TBC1D31: variants seen among roughly 807,000 people sequenced by gnomAD.
The protein encoded by TBC1D31 is WD repeat domain 67.
TBC1D31 carries 99 observed loss-of-function variants against 132.9 expected under a neutral mutation model. The ratio of observed to expected loss-of-function variants is 0.74; its 90% confidence interval spans 0.63 to 0.88. The LOEUF is 0.88. TBC1D31 is among the 40% of genes least tolerant of loss of function. TBC1D31 has a pLI of 0.00. For missense variants in TBC1D31, 1,134 were observed against 1,256.6 expected (o/e 0.90, Z 1.48); for synonymous variants, 385 against 419.4 (o/e 0.92, Z 1.00).
At chr8:123,088,231 A>C (rs2130014759) in intron 4 of TBC1D31, among the ~76,000 whole-genome samples, 1 of 152,224 alleles carries the variant, frequency 6.6e-6, no homozygotes, top group Admixed American at 6.5e-5. Context: ...ACTATAGTTT[A>C]AGTTATCAGC....
In TBC1D31 at chr8:123,129,046, A is replaced by C; in HGVS notation, c.2118-20A>C. On this transcript the variant is annotated intron_variant, in intron 14 of 21. Coordinates refer to ENST00000287380, the MANE Select transcript of TBC1D31 (RefSeq NM_145647.4). The stretch of plus-strand genomic sequence containing the variant: ...TTAGCTTTCTTCTTTGTGTTTTCAT[A>C]ATAATATTACCTACTTAAGGCAGAC... The C allele has an allele frequency of 6.6e-7, 1 of 1,505,034 alleles. No homozygotes were observed. Among genetic ancestry groups the C allele is most frequent in the Non-Finnish European group, 9.0e-7 (1 of 1,116,832 alleles). The allele number at this position is 1,505,034 out of a possible 1,614,324, so 93.2% of individuals were successfully genotyped here.
Position 123,142,256 on chromosome 8 carries a change from T to C in TBC1D31, c.2641-6T>C, listed in dbSNP as rs759898881. The C allele has an allele frequency of 6.4e-7, 1 of 1,563,678 alleles. No individual in the cohort carries two copies. The highest frequency in any genetic ancestry group is 8.6e-7 in the Non-Finnish European group (1 of 1,159,094). On this transcript the variant is annotated splice_polypyrimidine_tract_variant and splice_region_variant and intron_variant, in intron 18 of 21. Coordinates refer to ENST00000287380, the MANE Select transcript of TBC1D31 (RefSeq NM_145647.4). ...CTTGTTTCTGAAATGTATAACTTTT[T>C]CCTAGGTGATTAAAGAAAATTTGGC...
intron 20 of TBC1D31, among the ~76,000 whole-genome samples, chr8:123,145,227 G>A (rs986258811): frequency 3.3e-5 from 5 of 152,280 alleles, no homozygotes; most frequent in Admixed American, 3.3e-4. Flanking sequence ...CCTGGCCAGT[G>A]AATAAATTAT....
In TBC1D31 at chr8:123,129,185, A is replaced by G; in HGVS notation, c.2237A>G (p.Gln746Arg). The G allele has an allele frequency of 6.2e-7, 1 of 1,604,386 alleles. No homozygotes were observed. The highest frequency in any genetic ancestry group is 1.3e-5 in the African/African-American group (1 of 74,922). ...AEETRREMLLQEEEKMIQQRQ... is the reference protein window; with the variant it reads ...AEETRREMLLREEEKMIQQRQ... ...GAAACAAGAAGAGAAATGCTCTTAC[A>G]AGAGGAGGAGAAAATGATACAACAA... Residue 746 changes from glutamine (Q) to arginine (R), a missense_variant, in exon 15 of 22, where the codon CAA becomes CGA. Transcript: ENST00000287380.
chr8:123,151,753 A>G (rs971122133), intron 21 of TBC1D31, 53 bp from the exon 22 acceptor site: 48 of 1,483,090 alleles, frequency 3.2e-5, no homozygotes, highest in South Asian at 4.2e-5. Flanking sequence ...ATGCTGTATC[A>G]CCGCTAACAT....
the TBC1D31 span, among the ~76,000 whole-genome samples, chr8:123,158,856 T>C: frequency 1.6e-4 from 25 of 151,780 alleles, no homozygotes; most frequent in Admixed American, 1.3e-3. Context: ...AAGGAGGAGT[T>C]GGAGGTGGGG....
Position 123,152,034 on chromosome 8 carries a change from C to G in TBC1D31, c.*95C>G. ...ATTTATTTAAAATTCCTATAAAGATCAGCCCTTTGTACAGAAAAATGTGTC... is the reference window on the plus strand; with the variant it reads ...ATTTATTTAAAATTCCTATAAAGATGAGCCCTTTGTACAGAAAAATGTGTC... On this transcript the variant is annotated 3_prime_UTR_variant, in exon 22 of 22. Transcript: ENST00000287380. The G allele has an allele frequency of 2.5e-6, 3 of 1,214,422 alleles. No individual in the cohort carries two copies. The highest frequency in any genetic ancestry group is 3.2e-6 in the Non-Finnish European group (3 of 934,636). The allele number at this position is 1,214,422 out of a possible 1,614,324, so 75.2% of individuals were successfully genotyped here. A position where few individuals can be genotyped will look rare whatever the true frequency, so the allele number is the denominator to read the frequency against.
chr8:123,137,081 C>T (rs1821169164), intron 17 of TBC1D31, among the ~76,000 whole-genome samples: 1 of 152,184 alleles, frequency 6.6e-6, no homozygotes, highest in South Asian at 2.1e-4. Flanking sequence ...ATGAGCTCAA[C>T]ATTCCATACG....
At chr8:123,152,761 C>T (rs1344122321), downstream of TBC1D31, among the ~76,000 whole-genome samples, 1 of 152,052 alleles carries the variant, frequency 6.6e-6, no homozygotes, top group Non-Finnish European at 1.5e-5. Context: ...ATCCCAGCTA[C>T]TTGGAAGGCA....
chr8:123,082,724 G>C lies in TBC1D31; in HGVS notation c.247G>C (p.Ala83Pro). 1 of 1,611,962 alleles carries C rather than the reference G, an allele frequency of 6.2e-7. No individual in the cohort carries two copies. Residue 83 changes from alanine (A) to proline (P), a missense_variant, in exon 3 of 22, where the codon GCA becomes CCA. Ala to Pro is a conservative substitution (Grantham distance 27, BLOSUM62 -1). Coordinates refer to ENST00000287380, the MANE Select transcript of TBC1D31 (RefSeq NM_145647.4). ...TAGGTTCAATCTTGTTCAGCGAACAGCACAAGCTTGCACAGCTCTGGCCTT... is the reference window on the plus strand; with the variant it reads ...TAGGTTCAATCTTGTTCAGCGAACACCACAAGCTTGCACAGCTCTGGCCTT... ...GNRFNLVQRT[A>P]QACTALAFNL...
intron 16 of TBC1D31, 141 bp from the exon 17 acceptor site, chr8:123,133,973 T>G: frequency 1.8e-6 from 1 of 542,274 alleles, no homozygotes; most frequent in Non-Finnish European, 3.3e-6. Flanking sequence ...TTAATCTTTG[T>G]CTGTTACTCT....
At chr8:123,162,627 G>A in the TBC1D31 span, among the ~76,000 whole-genome samples, 132 of 152,266 alleles carry the variant, frequency 8.7e-4, no homozygotes, top group Non-Finnish European at 3.5e-4. Flanking sequence ...CAGTGCCACC[G>A]CCGGGGAGGA....
chr8:123,142,588 C>A, intron 19 of TBC1D31, 132 bp downstream of exon 19: 1 of 644,772 alleles, frequency 1.6e-6, no homozygotes, highest in Non-Finnish European at 2.4e-6. Flanking sequence ...CCTGCATCAG[C>A]CTCCCAAAGT....
At chr8:123,084,376 C>A in intron 4 of TBC1D31, 36 bp downstream of exon 4, 1 of 1,592,334 alleles carries the variant, frequency 6.3e-7, no homozygotes, top group South Asian at 1.1e-5. Context: ...TGTTGTGCTT[C>A]TCGGGCTAAT....
At chr8:123,088,970 C>G (rs944280773) in intron 4 of TBC1D31, among the ~76,000 whole-genome samples, 3 of 152,086 alleles carry the variant, frequency 2.0e-5, no homozygotes, top group Admixed American at 6.5e-5. Context: ...GAGTAGATTC[C>G]TGTTAAACAT....
chr8:123,132,308 A>T (rs1820701933), intron 16 of TBC1D31, among the ~76,000 whole-genome samples: 1 of 150,654 alleles, frequency 6.6e-6, no homozygotes, highest in Non-Finnish European at 1.5e-5. Flanking sequence ...ACCTCTCCCA[A>T]TCCTATTGGA....
intron 17 of TBC1D31, among the ~76,000 whole-genome samples, chr8:123,136,356 T>C (rs1335198279): frequency 6.6e-6 from 1 of 152,230 alleles, no homozygotes; most frequent in Non-Finnish European, 1.5e-5. Flanking sequence ...AGATAATTTG[T>C]AGAATGTCCC....
chr8:123,156,230 C>A (rs1048642329), downstream of TBC1D31, among the ~76,000 whole-genome samples: 5 of 152,150 alleles, frequency 3.3e-5, no homozygotes, highest in African/African-American at 9.7e-5. Context: ...CACCTGAGGT[C>A]AGGAGTTCGA....
chr8:123,101,699 C>T (rs570061860), intron 7 of TBC1D31, among the ~76,000 whole-genome samples: 5 of 152,310 alleles, frequency 3.3e-5, no homozygotes, highest in East Asian at 1.9e-4. Flanking sequence ...AGGTGTGAGC[C>T]ACCACGCCCA....
Sources: gnomAD v4.1 joint callset for allele counts (sites outside exome capture counted in the v4.1 genomes callset) on GRCh38, gnomAD v4.1.1 for gene constraint, MANE v1.5 for transcripts, NCBI Gene and HGNC (gene_info 2026-07-23, HGNC 2026-07-21) for gene names.